Variants in KCNH7 observed in about 807,000 individuals in gnomAD.
The protein encoded by KCNH7 is potassium voltage-gated channel subfamily H member 7.
KCNH7 carries 49 observed loss-of-function variants against 120.8 expected under a neutral mutation model. That is an observed-to-expected ratio of 0.41 (90% CI 0.32 to 0.51). The LOEUF is 0.51. Ranked by LOEUF, KCNH7 falls within the 20% of genes least tolerant of loss-of-function variation. KCNH7 has a pLI of 0.38. For synonymous variants in KCNH7, 547 were observed against 516.1 expected, an observed-to-expected ratio of 1.06 and a Z score of -0.81; for missense variants, 1,097 against 1,446.6, an observed-to-expected ratio of 0.76 and a Z score of 3.92.
chr2:162,823,796 A>G (rs1685195699), intron 2 of KCNH7, among the ~76,000 whole-genome samples: 1 of 152,150 alleles, frequency 6.6e-6, no homozygotes, highest in Non-Finnish European at 1.5e-5. Flanking sequence ...AGCAGGCTTC[A>G]TCTTCATTCT....
At chr2:162,768,713 G>C (rs530743482) in intron 2 of KCNH7, among the ~76,000 whole-genome samples, 106 of 152,274 alleles carry the variant, frequency 7.0e-4, no homozygotes, top group African/African-American at 2.3e-3. Flanking sequence ...GATTTAGCCA[G>C]GAGCAAGTCT....
At chr2:162,681,269 T>C (rs1377653577) in intron 2 of KCNH7, among the ~76,000 whole-genome samples, 3 of 151,542 alleles carry the variant, frequency 2.0e-5, no homozygotes, top group Non-Finnish European at 3.0e-5. Context: ...GTATGTCAAG[T>C]AGTGATGCGG....
chr2:162,623,954 C>T (rs1476553511), intron 2 of KCNH7, among the ~76,000 whole-genome samples: 2 of 152,136 alleles, frequency 1.3e-5, no homozygotes, highest in Non-Finnish European at 1.5e-5. Context: ...CAGAAATAAT[C>T]AATTAAAACG....
chr2:162,643,088 G>A (rs1684222950), intron 2 of KCNH7, among the ~76,000 whole-genome samples: 3 of 152,166 alleles, frequency 2.0e-5, no homozygotes, highest in Admixed American at 2.0e-4. Flanking sequence ...GAGAAATCCA[G>A]ACTTAATAGA....
At chr2:162,387,593 C>G (rs894788510) in intron 12 of KCNH7, among the ~76,000 whole-genome samples, 1 of 151,406 alleles carries the variant, frequency 6.6e-6, no homozygotes, top group Non-Finnish European at 1.5e-5. Context: ...AAGAAAAAGT[C>G]TTGCCTGTTT....
rs372151145 is a variant in KCNH7, at chr2:162,398,384, G to A, written c.2408-1439C>T. Among the ~76,000 whole-genome samples the A allele has an allele frequency of 2.6e-4, 39 of 151,866 alleles. 1 individual carries two copies. Among genetic ancestry groups the A allele is most frequent in the African/African-American group, 7.2e-4 (30 of 41,488 alleles). On this transcript the variant is annotated intron_variant, in intron 10 of 15. Transcript: ENST00000332142. The stretch of plus-strand genomic sequence containing the variant: ...GTATCTTAACTACGTAAGAAAAATC[G>A]ACATTAGAAAGGATACATTAACCAC...
chr2:162,386,425 T>C (rs1015798739), intron 12 of KCNH7, among the ~76,000 whole-genome samples: 3 of 151,884 alleles, frequency 2.0e-5, no homozygotes, highest in African/African-American at 7.2e-5. Flanking sequence ...CAAAACATAA[T>C]AGTTATAAAG....
intron 2 of KCNH7, among the ~76,000 whole-genome samples, chr2:162,695,129 T>C (rs1352993130): frequency 6.6e-6 from 1 of 152,200 alleles, no homozygotes; most frequent in Admixed American, 6.5e-5. Context: ...TTACTAAATC[T>C]AGCTATTCTT....
At chr2:162,760,848 C>G (rs988802450) in intron 2 of KCNH7, among the ~76,000 whole-genome samples, 3 of 152,076 alleles carry the variant, frequency 2.0e-5, no homozygotes, top group African/African-American at 7.2e-5. Flanking sequence ...TAAGATTTCT[C>G]TAGATAATGC....
At chr2:162,375,927 T>C (rs969443826) in intron 14 of KCNH7, among the ~76,000 whole-genome samples, 1 of 150,584 alleles carries the variant, frequency 6.6e-6, no homozygotes, top group Non-Finnish European at 1.5e-5. Flanking sequence ...AAAAGAGGAC[T>C]CTTATACTGA....
At chr2:162,746,926 T>C (rs1008393827) in intron 2 of KCNH7, among the ~76,000 whole-genome samples, 1 of 152,120 alleles carries the variant, frequency 6.6e-6, no homozygotes, top group African/African-American at 2.4e-5. Context: ...ACCATGAAGT[T>C]TTAAATGATC....
intron 2 of KCNH7, among the ~76,000 whole-genome samples, chr2:162,697,977 T>C (rs1686351531): frequency 6.6e-6 from 1 of 152,118 alleles, no homozygotes; most frequent in Admixed American, 6.6e-5. Context: ...GAGTGTGAGA[T>C]TTTGCTATTC....
chr2:162,801,475 A>G (rs979800360), intron 2 of KCNH7, among the ~76,000 whole-genome samples: 1 of 151,524 alleles, frequency 6.6e-6, no homozygotes, highest in African/African-American at 2.4e-5. Context: ...TTGAAGCACC[A>G]TTTTTTTTCC....
intron 6 of KCNH7, among the ~76,000 whole-genome samples, chr2:162,457,880 A>G (rs1689021156): frequency 6.6e-6 from 1 of 152,160 alleles, no homozygotes; most frequent in South Asian, 2.1e-4. Context: ...GATTTGTGAA[A>G]AACAGCCAAA....
intron 2 of KCNH7, among the ~76,000 whole-genome samples, chr2:162,753,256 C>T (rs544047912): frequency 1.3e-5 from 2 of 152,180 alleles, no homozygotes; most frequent in African/African-American, 4.8e-5. Context: ...ATTCCTCACA[C>T]TATTTTTTTG....
chr2:162,488,300 A>AT (rs968122207), intron 6 of KCNH7, among the ~76,000 whole-genome samples: 1 of 152,072 alleles, frequency 6.6e-6, no homozygotes, highest in Non-Finnish European at 1.5e-5. Context: ...TTTCAACCTG[A>AT]TTTTTTGTCC....
intron 2 of KCNH7, among the ~76,000 whole-genome samples, chr2:162,718,490 A>G (rs370462694): frequency 1.3e-5 from 2 of 152,020 alleles, no homozygotes; most frequent in Non-Finnish European, 2.9e-5. Flanking sequence ...TTTAAAGCCC[A>G]CTGTAGAGAA....
intron 2 of KCNH7, among the ~76,000 whole-genome samples, chr2:162,550,368 C>T (rs1459966903): frequency 6.6e-6 from 1 of 152,124 alleles, no homozygotes; most frequent in Non-Finnish European, 1.5e-5. Context: ...TCCTTATTTT[C>T]CTGGCTTCTT....
Position 162,619,821 on chromosome 2 carries a change from T to C in KCNH7, c.308-82741A>G, listed in dbSNP as rs927508490. Among the ~76,000 whole-genome samples the C allele has an allele frequency of 1.1e-4, 17 of 152,200 alleles. 1 individual carries two copies. In the South Asian group the frequency reaches 3.5e-3, roughly 32 times the overall value. On this transcript the variant is annotated intron_variant, in intron 2 of 15. Transcript: ENST00000332142. ...CAAAACAGAAAGCTTGACAATCTAA[T>C]TTATTATTTATTAATCAACTTTTAT...
Sources: allele counts gnomAD v4.1 joint callset (sites outside exome capture counted in the v4.1 genomes callset), GRCh38; gene constraint gnomAD v4.1.1; transcripts MANE v1.5; gene names NCBI Gene and HGNC (gene_info 2026-07-23, HGNC 2026-07-21).